ANKRD44: variants seen among roughly 807,000 people sequenced by gnomAD.
ANKRD44 encodes the protein ankyrin repeat domain 44, also known as serine/threonine-protein phosphatase 6 regulatory ankyrin repeat subunit B.
ANKRD44 carries 35 observed loss-of-function variants against 116.0 expected under a neutral mutation model. The ratio of observed to expected loss-of-function variants is 0.30; its 90% CI spans 0.23 to 0.40. The LOEUF is 0.40. Ranked by LOEUF, ANKRD44 falls within the 10% of genes least tolerant of loss-of-function variation. ANKRD44 has a pLI of 1.00. For synonymous variants in ANKRD44, 435 were observed against 461.8 expected (o/e 0.94, Z 0.74); for missense variants, 1,014 against 1,242.6 (o/e 0.82, Z 2.77).
intron 1 of ANKRD44, among the ~76,000 whole-genome samples, chr2:197,218,687 A>G (rs1416420251): frequency 6.6e-6 from 1 of 150,956 alleles, no homozygotes; most frequent in Non-Finnish European, 1.5e-5. Flanking sequence ...TGCCCAAGGG[A>G]TAGAGAAAAA....
intron 16 of ANKRD44, among the ~76,000 whole-genome samples, chr2:197,075,491 A>C (rs1331966112): frequency 6.6e-6 from 1 of 152,200 alleles, no homozygotes; most frequent in Non-Finnish European, 1.5e-5. Context: ...CACAGCTCTC[A>C]GTACATGTTT....
At chr2:197,234,239 C>T (rs1451202031) in intron 1 of ANKRD44, among the ~76,000 whole-genome samples, 1 of 150,970 alleles carries the variant, frequency 6.6e-6, no homozygotes, top group East Asian at 1.9e-4. Flanking sequence ...GTCGCCCAGG[C>T]TGGGCAGTGG....
intron 12 of ANKRD44, among the ~76,000 whole-genome samples, chr2:197,087,800 T>C (rs946116727): frequency 2.6e-5 from 4 of 152,070 alleles, no homozygotes; most frequent in Non-Finnish European, 5.9e-5. Flanking sequence ...CAGATCCAAC[T>C]TGTGTGGCTC....
intron 18 of ANKRD44, 93 bp from the exon 19 acceptor site, chr2:197,009,124 GCT>G: frequency 9.7e-7 from 1 of 1,035,030 alleles, no homozygotes; most frequent in South Asian, 1.3e-5. Context: ...ATGGAGTCTT[GCT>G]CTGTCGCCAG....
At chr2:197,117,903 T>C (rs1227820712) in intron 8 of ANKRD44, among the ~76,000 whole-genome samples, 1 of 152,060 alleles carries the variant, frequency 6.6e-6, no homozygotes, top group Non-Finnish European at 1.5e-5. Context: ...GCTTTTTTGG[T>C]TTTCTGGATA....
Position 196,992,542 on chromosome 2 carries a change from C to T in ANKRD44, c.2923+1041G>A, listed in dbSNP as rs17450491. On this transcript the variant is annotated intron_variant, in intron 27 of 27. Coordinates refer to ENST00000282272, the MANE Select transcript of ANKRD44 (RefSeq NM_001195144.2). ...ACTAATTTATTCTATTCTCTTTGACCATTTTGGAGAAAAACTGTGGGCCTC... is the reference window on the plus strand; with the variant it reads ...ACTAATTTATTCTATTCTCTTTGACTATTTTGGAGAAAAACTGTGGGCCTC... 835 of 152,596 alleles carry T rather than the reference C, an allele frequency of 5.5e-3. 9 individuals are homozygous for T. The highest frequency in any genetic ancestry group is 0.029 in the South Asian group (138 of 4,830). 9.5% of individuals were successfully genotyped at this position (152,596 alleles called of 1,614,324 possible). A position where few individuals can be genotyped will look rare whatever the true frequency, so the allele number is the denominator to read the frequency against.
intron 2 of ANKRD44, among the ~76,000 whole-genome samples, chr2:197,168,798 A>T (rs1344859497): frequency 1.3e-5 from 2 of 152,202 alleles, no homozygotes; most frequent in Non-Finnish European, 2.9e-5. Context: ...AGAGGTTAGA[A>T]GTACCGTAAT....
At chr2:197,174,230 C>G (rs1265962532) in intron 2 of ANKRD44, among the ~76,000 whole-genome samples, 1 of 152,040 alleles carries the variant, frequency 6.6e-6, no homozygotes, top group Non-Finnish European at 1.5e-5. Flanking sequence ...ATCATTTTTT[C>G]TAACTCATGT....
chr2:197,159,967 G>A (rs1381176004), intron 2 of ANKRD44, among the ~76,000 whole-genome samples: 1 of 152,096 alleles, frequency 6.6e-6, no homozygotes, highest in Non-Finnish European at 1.5e-5. Flanking sequence ...CCTCCTCACA[G>A]CATTTTGGAG....
At chr2:197,010,686 G>A (rs542221291) in intron 18 of ANKRD44, among the ~76,000 whole-genome samples, 3 of 152,322 alleles carry the variant, frequency 2.0e-5, no homozygotes, top group East Asian at 3.9e-4. Context: ...AGTAAGATGA[G>A]AGCAACCGTG....
intron 16 of ANKRD44, among the ~76,000 whole-genome samples, chr2:197,072,294 T>C (rs890009093): frequency 6.6e-6 from 1 of 152,120 alleles, no homozygotes; most frequent in African/African-American, 2.4e-5. Flanking sequence ...GTGCTCCCTA[T>C]CCATCTGGAA....
intron 16 of ANKRD44, chr2:197,029,838 C>T (rs1050915040): frequency 5.0e-5 from 14 of 277,866 alleles, no homozygotes; most frequent in African/African-American, 2.1e-4. Flanking sequence ...CTTCAACCAC[C>T]GAAGGAAGTT....
chr2:197,166,388 A>AG, intron 2 of ANKRD44, among the ~76,000 whole-genome samples: 1 of 152,240 alleles, frequency 6.6e-6, no homozygotes, highest in East Asian at 1.9e-4. Flanking sequence ...GCATTGTGAT[A>AG]GGTTCTAGGG....
intron 21 of ANKRD44, among the ~76,000 whole-genome samples, chr2:196,981,006 A>G (rs180675043): frequency 2.0e-5 from 3 of 149,406 alleles, no homozygotes; most frequent in East Asian, 2.0e-4. Flanking sequence ...TTCACATCCA[A>G]TGCTTTTTTT....
chr2:197,068,284 C>T (rs1186715909), intron 16 of ANKRD44, among the ~76,000 whole-genome samples: 8 of 134,646 alleles, frequency 5.9e-5, no homozygotes, highest in South Asian at 2.5e-4. Context: ...GTGGGTGCAG[C>T]GCACCAGCAT....
chr2:197,291,902 C>T (rs2083580406), intron 1 of ANKRD44, among the ~76,000 whole-genome samples: 1 of 152,072 alleles, frequency 6.6e-6, no homozygotes, highest in Admixed American at 6.5e-5. Context: ...CAATTCCCAC[C>T]TATGAGTGAG....
At chr2:197,242,633 A>G (rs1323997352) in intron 1 of ANKRD44, among the ~76,000 whole-genome samples, 1 of 152,212 alleles carries the variant, frequency 6.6e-6, no homozygotes, top group African/African-American at 2.4e-5. Flanking sequence ...TGTTCCCCCT[A>G]TGGAATATTC....
intron 2 of ANKRD44, among the ~76,000 whole-genome samples, chr2:197,177,755 T>C (rs1214990962): frequency 6.6e-6 from 1 of 152,120 alleles, no homozygotes; most frequent in Admixed American, 6.5e-5. Flanking sequence ...AGAATATTCT[T>C]CTAGATTTCT....
intron 1 of ANKRD44, among the ~76,000 whole-genome samples, chr2:197,224,261 GGAAGAAAGAGCA>G (rs2081650002): frequency 6.6e-6 from 1 of 152,172 alleles, no homozygotes; most frequent in African/African-American, 2.4e-5. Context: ...AAAGTTAAAT[GGAAGAAAGAGCA>G]GAAACAGGGA....
Sources: gnomAD v4.1 joint callset for allele counts (sites outside exome capture counted in the v4.1 genomes callset) on GRCh38, gnomAD v4.1.1 for gene constraint, MANE v1.5 for transcripts, NCBI Gene and HGNC (gene_info 2026-07-23, HGNC 2026-07-21) for gene names.